The following LARP1B variants were observed in gnomAD, a reference collection of about 807,000 sequenced individuals.
The protein encoded by LARP1B is la-related protein 1B.
A neutral mutation model predicts 114.2 loss-of-function variants in LARP1B; 76 were observed. The observed-to-expected ratio is 0.67, with a 90% CI of 0.55 to 0.81. The LOEUF is 0.81. Ranked by LOEUF, LARP1B falls within the 30% of genes least tolerant of loss-of-function variation. The pLI, the probability that LARP1B is intolerant of heterozygous loss-of-function variation, is 0.00. For missense variants in LARP1B, 1,014 were observed against 1,075.8 expected, an observed-to-expected ratio of 0.94 and a Z score of 0.80; for synonymous variants, 345 against 348.0, an observed-to-expected ratio of 0.99 and a Z score of 0.10.
At chr4:128,133,056 G>A (rs1358785460) in intron 11 of LARP1B, among the ~76,000 whole-genome samples, 1 of 152,074 alleles carries the variant, frequency 6.6e-6, no homozygotes, top group Non-Finnish European at 1.5e-5. Flanking sequence ...TCTGGCAGAC[G>A]GTGGAGCTCA....
chr4:128,191,230 A>T (rs890808170), intron 15 of LARP1B, among the ~76,000 whole-genome samples: 2 of 151,772 alleles, frequency 1.3e-5, no homozygotes, highest in Non-Finnish European at 2.9e-5. Context: ...TCTTGATCTG[A>T]GACCTCACAC....
chr4:128,162,258 C>T lies in LARP1B; in HGVS notation c.1589C>T (p.Pro530Leu). The change falls in exon 12 of 20, where the codon CCT becomes CTT. Residue 530 changes from proline (P) to leucine (L), a missense_variant. Transcript: ENST00000326639. ...ISKEQFENLT[P>L]ELPFEPNQEV... ...AAAGAGCAGTTTGAAAACCTAACACCTGAACTTCCTTTTGAGCCAAACCAA... is the reference window on the plus strand; with the variant it reads ...AAAGAGCAGTTTGAAAACCTAACACTTGAACTTCCTTTTGAGCCAAACCAA... 6.2e-7 allele frequency: 1 copy of T among 1,612,932 alleles called. No homozygotes were observed. The highest frequency in any genetic ancestry group is 8.5e-7 in the Non-Finnish European group (1 of 1,179,134).
intron 15 of LARP1B, among the ~76,000 whole-genome samples, chr4:128,186,449 G>A (rs1433678703): frequency 6.6e-6 from 1 of 151,958 alleles, no homozygotes; most frequent in African/African-American, 2.4e-5. Context: ...CTTTTTCAGT[G>A]TGTTTGCTTT....
chr4:128,207,793 G>A lies in LARP1B; in HGVS notation c.2547+410G>A, dbSNP rs77512177. Among the ~76,000 whole-genome samples, 193 of 152,350 alleles carry A rather than the reference G, an allele frequency of 1.3e-3. 7 individuals carry two copies. In the East Asian group the frequency reaches 0.035, roughly 28 times the overall value. On this transcript the variant is annotated intron_variant, in intron 19 of 19. Transcript: ENST00000326639. ...TACCTGCATAATAAAATTAAGGAGA[G>A]AATGTTGTGTGCATGTGTGCAAGCA...
upstream of LARP1B, chr4:128,061,166 C>G (rs1186213244): frequency 6.6e-6 from 1 of 152,162 alleles, no homozygotes; most frequent in African/African-American, 2.4e-5. Flanking sequence ...TCGGGCCGGG[C>G]GGCACCCGGG....
chr4:128,104,359 A>G (rs1781351403), intron 8 of LARP1B, among the ~76,000 whole-genome samples: 1 of 152,120 alleles, frequency 6.6e-6, no homozygotes, highest in South Asian at 2.1e-4. Context: ...ATTTATTCAT[A>G]TTGGTGTATA....
At chr4:128,112,476 T>TA in intron 9 of LARP1B, among the ~76,000 whole-genome samples, 1 of 137,528 alleles carries the variant, frequency 7.3e-6, no homozygotes, top group Admixed American at 7.5e-5. Flanking sequence ...ATTTTTTTTT[T>TA]TTTTTTTTTT....
chr4:128,211,289 T>G lies in LARP1B; in HGVS notation c.*1236T>G, dbSNP rs1442070298. On this transcript the variant is annotated 3_prime_UTR_variant, in exon 20 of 20. Coordinates refer to ENST00000326639, the MANE Select transcript of LARP1B (RefSeq NM_018078.4). ...TGAGCACTACATAATTTACAGATAT[T>G]TTGTTGTATTGGCAAAAGCAAGTGG... is the stretch of plus-strand genomic sequence containing the variant. 1.3e-5 allele frequency: 13 copies of G among 966,376 alleles called. No individual in the cohort carries two copies. The highest frequency in any genetic ancestry group is 1.6e-5 in the Non-Finnish European group (13 of 812,566). 59.9% of individuals were successfully genotyped at this position (966,376 alleles called of 1,614,324 possible). A position where few individuals can be genotyped will look rare whatever the true frequency, so the allele number is the denominator to read the frequency against.
At chr4:128,161,005 C>T (rs1298549383) in intron 11 of LARP1B, among the ~76,000 whole-genome samples, 1 of 152,092 alleles carries the variant, frequency 6.6e-6, no homozygotes, top group Non-Finnish European at 1.5e-5. Flanking sequence ...AAAATTCTTT[C>T]TTATGTTTTT....
In LARP1B at chr4:128,219,832, T is replaced by TAAATAAATAAAA. The variant is rs745862797; in HGVS notation, n.849-523_849-522insAAATAAATAAAA. ...ATAAATAAATAAATAAATAAATAAATGGAATTAGGAAGGGGGTTATGTTTA... is the reference window on the plus strand; with the variant it reads ...ATAAATAAATAAATAAATAAATAAATAAATAAATAAAAGGAATTAGGAAGGGGGTTATGTTTA... On this transcript the variant is annotated intron_variant and non_coding_transcript_variant, in intron 6 of 7. Coordinates refer to the LARP1B transcript ENST00000503725. Among the ~76,000 whole-genome samples the TAAATAAATAAAA allele has an allele frequency of 8.6e-4, 128 of 149,458 alleles. No homozygotes were observed. In the East Asian group the frequency reaches 0.013, roughly 16 times the overall value.
chr4:128,173,642 G>A (rs1419772232), intron 12 of LARP1B, among the ~76,000 whole-genome samples: 3 of 152,140 alleles, frequency 2.0e-5, no homozygotes, highest in Non-Finnish European at 2.9e-5. Context: ...GCATGTTTAA[G>A]GTTCACCTGG....
chr4:128,062,857 T>C (rs1404219016), intron 1 of LARP1B, among the ~76,000 whole-genome samples: 1 of 152,054 alleles, frequency 6.6e-6, no homozygotes, highest in Non-Finnish European at 1.5e-5. Flanking sequence ...TGGCTGCACA[T>C]GTATACATGT....
chr4:128,126,234 GC>G (rs1266307892), intron 11 of LARP1B, among the ~76,000 whole-genome samples: 3 of 149,040 alleles, frequency 2.0e-5, no homozygotes, highest in Non-Finnish European at 2.9e-5. Context: ...TGATTCTCCT[GC>G]CTCAGCCTCC....
Position 128,107,236 on chromosome 4 carries a change from G to T in LARP1B, c.911G>T (p.Ser304Ile), listed in dbSNP as rs760763859. 5.0e-6 allele frequency: 8 copies of T among 1,614,036 alleles called. No homozygotes were observed. In the African/African-American group the frequency reaches 1.1e-4, roughly 22 times the overall value. The change falls in exon 9 of 20, where the codon AGT becomes ATT. Residue 304 changes from serine (S) to isoleucine (I), a missense_variant. Ser to Ile is a moderately radical substitution (Grantham distance 142). Coordinates refer to ENST00000326639, the MANE Select transcript of LARP1B (RefSeq NM_018078.4). The stretch of plus-strand genomic sequence containing the variant: ...CCAATTCCAGGCCCTCCTCCACGCA[G>T]TGTGCCACCAACAGACTTCTCTCAA... ...KWPIPGPPPR[S>I]VPPTDFSQLI... is the part of the protein sequence containing the mutation.
chr4:128,179,672 A>G (rs1175794251), intron 15 of LARP1B, among the ~76,000 whole-genome samples, 160 bp downstream of exon 15: 1 of 152,214 alleles, frequency 6.6e-6, no homozygotes, highest in Non-Finnish European at 1.5e-5. Flanking sequence ...AAGTTTTACA[A>G]GTATGTTAAG....
At chr4:128,141,406 C>T (rs1034804071) in intron 11 of LARP1B, among the ~76,000 whole-genome samples, 2 of 152,138 alleles carry the variant, frequency 1.3e-5, no homozygotes, top group Non-Finnish European at 2.9e-5. Flanking sequence ...CAACGAGTTG[C>T]TCAGTATTCT....
At chr4:128,129,158 C>CT (rs1439337380) in intron 11 of LARP1B, among the ~76,000 whole-genome samples, 2 of 84,554 alleles carry the variant, frequency 2.4e-5, no homozygotes, top group African/African-American at 5.7e-5. Context: ...GAGCGAGACT[C>CT]TGTCTCAAAA....
chr4:128,088,812 A>G (rs1371781502), intron 5 of LARP1B, among the ~76,000 whole-genome samples: 1 of 152,164 alleles, frequency 6.6e-6, no homozygotes, highest in Non-Finnish European at 1.5e-5. Context: ...GAAATGTTTG[A>G]AAAAGTGGCT....
chr4:128,200,251 G>A (rs1032594007), intron 16 of LARP1B, among the ~76,000 whole-genome samples: 6 of 152,214 alleles, frequency 3.9e-5, no homozygotes, highest in South Asian at 2.1e-4. Context: ...TTTCCATGGG[G>A]GATGGTTTTG....
Sources: gnomAD v4.1 joint callset for allele counts (sites outside exome capture counted in the v4.1 genomes callset) on GRCh38, gnomAD v4.1.1 for gene constraint, MANE v1.5 for transcripts, NCBI Gene and HGNC (gene_info 2026-07-23, HGNC 2026-07-21) for gene names.